Variants in MERTK observed in about 807,000 individuals in gnomAD.
MERTK encodes tyrosine-protein kinase Mer.
Under a neutral mutation model 99.3 loss-of-function variants are expected in MERTK, and 69 were observed. The observed-to-expected ratio is 0.70, with a 90% CI of 0.57 to 0.85. The LOEUF (loss-of-function observed/expected upper bound fraction) is 0.85, where lower values mean the gene tolerates loss of function less well. MERTK is among the 40% of genes least tolerant of loss of function. The probability of loss-of-function intolerance (pLI) is 0.00; values close to 1 mark genes in which losing one functional copy is unlikely to be tolerated. For missense variants in MERTK, 1,125 were observed against 1,249.4 expected, an observed-to-expected ratio of 0.90 and a Z score of 1.50; for synonymous variants, 426 against 467.6, an observed-to-expected ratio of 0.91 and a Z score of 1.15.
intron 4 of MERTK, among the ~76,000 whole-genome samples, chr2:111,953,907 C>T (rs1344576928): frequency 6.6e-6 from 1 of 152,202 alleles, no homozygotes; most frequent in Non-Finnish European, 1.5e-5. Context: ...CAATTGTGCT[C>T]ATTTCTTCCT....
chr2:111,983,613 G>A (rs1676415930), intron 8 of MERTK, among the ~76,000 whole-genome samples: 2 of 152,228 alleles, frequency 1.3e-5, no homozygotes, highest in Admixed American at 1.3e-4. Flanking sequence ...GGTGGCACAG[G>A]TTCCCTGCTC....
intron 10 of MERTK, among the ~76,000 whole-genome samples, chr2:111,998,725 C>G (rs1412431035): frequency 2.0e-5 from 3 of 152,078 alleles, no homozygotes; most frequent in African/African-American, 7.2e-5. Context: ...CAGCACATGC[C>G]ACATTACCAA....
At chr2:111,951,551 C>CTATATAT (rs1366387369) in intron 4 of MERTK, among the ~76,000 whole-genome samples, 15 of 57,208 alleles carry the variant, frequency 2.6e-4, no homozygotes, top group African/African-American at 4.6e-4. Context: ...ATATATATAC[C>CTATATAT]ATAATTTTTT....
In MERTK at chr2:111,982,994, G is replaced by GT. The variant is rs1681147109; in HGVS notation, c.1296+2dup. On this transcript the variant is annotated splice_donor_variant, in intron 8 of 18. Transcript: ENST00000295408. LOFTEE classifies it high-confidence loss of function. ...CGTGTGGCAGAGTGCAGGGATTTCC[G>GT]TAAGTCTAAACCCTAGAAGAGCACG... 1.1e-5 allele frequency: 18 copies of GT among 1,612,662 alleles called. No homozygotes were observed. The highest frequency in any genetic ancestry group is 1.5e-5 in the Non-Finnish European group (18 of 1,179,624).
rs113832822 is a variant in MERTK at position 112,004,329 on chromosome 2, G to A, written c.1867+345G>A. On this transcript the variant is annotated intron_variant, in intron 13 of 18. Transcript: ENST00000295408. ...GAGCATCAATTGCTGAGGCAGGGGTGATCTAATAGCAACATCTGACCCCAG... is the reference window on the plus strand; with the variant it reads ...GAGCATCAATTGCTGAGGCAGGGGTAATCTAATAGCAACATCTGACCCCAG... Among the ~76,000 whole-genome samples the A allele has an allele frequency of 5.0e-3, 766 of 152,148 alleles. 9 individuals are homozygous for A. Among genetic ancestry groups the A allele is most frequent in the African/African-American group, 0.018 (739 of 41,496 alleles).
At chr2:111,924,377 C>T (rs1357089216) in intron 1 of MERTK, among the ~76,000 whole-genome samples, 1 of 152,150 alleles carries the variant, frequency 6.6e-6, no homozygotes, top group African/African-American at 2.4e-5. Context: ...TCCTTTATGC[C>T]AGGATCGCAT....
intron 18 of MERTK, among the ~76,000 whole-genome samples, chr2:112,023,093 C>T (rs1282269020): frequency 6.6e-6 from 1 of 152,088 alleles, no homozygotes; most frequent in Non-Finnish European, 1.5e-5. Flanking sequence ...GCCTGGGCAA[C>T]ATAGAGAGAC....
intron 1 of MERTK, among the ~76,000 whole-genome samples, chr2:111,907,511 T>A (rs1035053817): frequency 6.6e-6 from 1 of 152,192 alleles, no homozygotes; most frequent in Non-Finnish European, 1.5e-5. Context: ...CCCCTCCAAC[T>A]CTGGGGCAAT....
At chr2:111,988,332 C>A (rs1190181892) in intron 8 of MERTK, among the ~76,000 whole-genome samples, 1 of 152,160 alleles carries the variant, frequency 6.6e-6, no homozygotes, top group Non-Finnish European at 1.5e-5. Context: ...TGAACCTCTT[C>A]TGAAACCCAG....
chr2:111,929,153 AC>A lies in MERTK; in HGVS notation c.98del (p.Pro33ArgfsTer31), dbSNP rs1407749594. On this transcript the variant is annotated frameshift_variant, in exon 2 of 19. Coordinates refer to ENST00000295408, the MANE Select transcript of MERTK (RefSeq NM_006343.3). LOFTEE classifies it high-confidence loss of function. ...ITEAREEAKP[Y>X]PLFPGPFPGS... ...GAGGCAAGGGAAGAAGCCAAGCCTTACCCGCTATTCCCGGGACCTTTTCCAG... is the reference window on the plus strand; with the variant it reads ...GAGGCAAGGGAAGAAGCCAAGCCTTACCGCTATTCCCGGGACCTTTTCCAG... 1.2e-6 allele frequency: 2 copies of A among 1,614,004 alleles called. No individual in the cohort carries two copies. Among genetic ancestry groups the A allele is most frequent in the East Asian group, 4.5e-5 (2 of 44,886 alleles).
chr2:111,948,491 C>A (rs1363223667), intron 4 of MERTK, among the ~76,000 whole-genome samples: 1 of 152,198 alleles, frequency 6.6e-6, no homozygotes, highest in Non-Finnish European at 1.5e-5. Flanking sequence ...GCTCATGTAT[C>A]CAACCGCCTC....
At chr2:111,909,964 A>G (rs542865087) in intron 1 of MERTK, among the ~76,000 whole-genome samples, 2 of 152,334 alleles carry the variant, frequency 1.3e-5, no homozygotes, top group African/African-American at 2.4e-5. Context: ...TATCAAAAAG[A>G]CATCTGCACC....
chr2:112,022,423 T>C (rs762304846), intron 18 of MERTK, 29 bp downstream of exon 18: 4 of 1,613,984 alleles, frequency 2.5e-6, no homozygotes, highest in Non-Finnish European at 3.4e-6. Context: ...CTCCCTTCCA[T>C]ACTCTGCATG....
chr2:111,938,270 T>TG (rs1684798565), intron 2 of MERTK, among the ~76,000 whole-genome samples: 1 of 151,570 alleles, frequency 6.6e-6, no homozygotes, highest in Non-Finnish European at 1.5e-5. Context: ...GTTTGTTTTT[T>TG]TGTATTTGTA....
At chr2:112,022,971 A>G (rs755258192) in intron 18 of MERTK, among the ~76,000 whole-genome samples, 1 of 152,048 alleles carries the variant, frequency 6.6e-6, no homozygotes, top group Non-Finnish European at 1.5e-5. Context: ...GGGCCCAGAA[A>G]TGTGTGTTTT....
At chr2:111,914,238 G>C (rs1684307163) in intron 1 of MERTK, among the ~76,000 whole-genome samples, 1 of 151,044 alleles carries the variant, frequency 6.6e-6, no homozygotes. Flanking sequence ...CAAGTAGCCA[G>C]GACTACAGGT....
At chr2:111,924,922 G>A (rs1684526129) in intron 1 of MERTK, among the ~76,000 whole-genome samples, 1 of 152,010 alleles carries the variant, frequency 6.6e-6, no homozygotes, top group Non-Finnish European at 1.5e-5. Flanking sequence ...TGTAGTGTAG[G>A]TGGTAGGTAT....
intron 4 of MERTK, among the ~76,000 whole-genome samples, chr2:111,950,393 A>G (rs961539389): frequency 1.3e-5 from 2 of 152,186 alleles, no homozygotes; most frequent in African/African-American, 4.8e-5. Context: ...TGGAGGACAT[A>G]TGTTTTTATT....
chr2:111,990,722 A>T (rs1676599313), intron 8 of MERTK, among the ~76,000 whole-genome samples: 1 of 152,182 alleles, frequency 6.6e-6, no homozygotes, highest in East Asian at 1.9e-4. Flanking sequence ...GGCATCCTAA[A>T]TCTCAACTTA....
Sources: gnomAD v4.1 joint callset for allele counts (sites outside exome capture counted in the v4.1 genomes callset) on GRCh38, gnomAD v4.1.1 for gene constraint, MANE v1.5 for transcripts, NCBI Gene and HGNC (gene_info 2026-07-23, HGNC 2026-07-21) for gene names.